Variants in PKD1 observed in about 807,000 individuals in gnomAD.
PKD1 encodes polycystin-1.
PKD1 carries 81 observed loss-of-function variants against 361.7 expected under a neutral mutation model. That is an observed-to-expected ratio of 0.22 (90% CI 0.19 to 0.27). The LOEUF is 0.27. PKD1 is among the 10% of genes least tolerant of loss of function. PKD1 has a pLI of 1.00. For synonymous variants in PKD1, 3,615 were observed against 2,818.3 expected, an observed-to-expected ratio of 1.28 and a Z score of -8.95; for missense variants, 6,399 against 6,118.3, an observed-to-expected ratio of 1.05 and a Z score of -1.53.
rs147796956 is a variant in PKD1, at chr16:2,110,974, G to A, written c.4193C>T (p.Ala1398Val). 2.1e-5 allele frequency: 34 copies of A among 1,610,482 alleles called. No individual in the cohort carries two copies. In the African/African-American group the frequency reaches 3.9e-4, roughly 18 times the overall value. ...ERQFVQLGDE[A>V]WLVACAWPPF... ...GGGCCAGGCACATGCCACCAGCCAG[G>A]CCTCGTCCCCGAGCTGCACAAACTG... is the stretch of plus-strand genomic sequence containing the variant. The change falls in exon 15 of 46, where the codon GCC (alanine) becomes GTC (valine). Residue 1398 changes from alanine (A) to valine (V), a missense_variant. By Grantham distance (64) the Ala-to-Val change is moderately conservative. Transcript: ENST00000262304.
chr16:2,107,428 C>A (rs1460873922), intron 16 of PKD1: 7 of 359,906 alleles, frequency 1.9e-5, no homozygotes, highest in Non-Finnish European at 3.7e-5. Flanking sequence ...AAAGCAGGGA[C>A]TGGGGAACAG....
In PKD1 at chr16:2,097,370, C is replaced by A. The variant is rs372470924; in HGVS notation, c.10354G>T (p.Gly3452Cys). ...GAGTAGGGGCTGGCCAGGGAGAAGCCGTCCTCCTCTGGGCCCAGCCCATGG... is the reference window on the plus strand; with the variant it reads ...GAGTAGGGGCTGGCCAGGGAGAAGCAGTCCTCCTCTGGGCCCAGCCCATGG... ...AGHGLGPEED[G>C]FSLASPYSPA... Residue 3452 changes from glycine to cysteine, a missense_variant, in exon 33 of 46, where the codon GGC (glycine) becomes TGC (cysteine). Coordinates refer to ENST00000262304, the MANE Select transcript of PKD1 (RefSeq NM_001009944.3). 5.0e-6 allele frequency: 8 copies of A among 1,611,800 alleles called. No homozygotes were observed. In the South Asian group the frequency reaches 8.8e-5, roughly 18 times the overall value.
At chr16:2,092,830 C>T (rs759048173) in intron 38 of PKD1, 124 bp downstream of exon 38, 16 of 1,206,676 alleles carry the variant, frequency 1.3e-5, no homozygotes, top group South Asian at 1.2e-4. Flanking sequence ...ATGCCAGCAG[C>T]ACCTACCTCC....
At position 2,111,776 on chromosome 16, in the gene PKD1, C is replaced by G; in HGVS notation, c.3391G>C (p.Val1131Leu). The G allele has an allele frequency of 5.6e-6, 9 of 1,607,712 alleles. No homozygotes were observed. The highest frequency in any genetic ancestry group is 7.6e-6 in the Non-Finnish European group (9 of 1,178,490). Residue 1131 changes from valine to leucine, a missense_variant, in exon 15 of 46, where the codon GTG (valine) becomes CTG (leucine). Transcript: ENST00000262304. ...ACCAGGACGCCGTCACTCACACCCACAGCCACGGAGGGCAGGGAGGCGCGC... is the reference window on the plus strand; with the variant it reads ...ACCAGGACGCCGTCACTCACACCCAGAGCCACGGAGGGCAGGGAGGCGCGC... ...SVRASLPSVA[V>L]GVSDGVLVAG...
rs764743355 is a variant in PKD1, at chr16:2,103,855, T to C, written c.8202A>G (p.Pro2734=). The C allele has an allele frequency of 1.1e-5, 17 of 1,600,214 alleles. No homozygotes were observed. The highest frequency in any genetic ancestry group is 2.3e-4 in the Middle Eastern group (1 of 4,436). Residue 2734 remains proline, a synonymous_variant, in exon 23 of 46, where the codon CCA becomes CCG. Coordinates refer to ENST00000262304, the MANE Select transcript of PKD1 (RefSeq NM_001009944.3). ...IHLASSDVRA[P]QPSELGAESP... is the part of the protein sequence containing the mutation. The stretch of plus-strand genomic sequence containing the variant: ...ACTCGGCTCCCAGCTCTGAGGGCTG[T>C]GGTGCCCGCACGTCCGAGCTGGCCA...
chr16:2,098,067 G>T, intron 30 of PKD1, 83 bp from the exon 31 acceptor site: 1 of 727,048 alleles, frequency 1.4e-6, no homozygotes, highest in East Asian at 2.6e-5. Context: ...TCAGCAGACA[G>T]GACAGAGCCC....
chr16:2,130,454 C>G (rs1482957202), intron 1 of PKD1, among the ~76,000 whole-genome samples: 2 of 152,358 alleles, frequency 1.3e-5, no homozygotes, highest in South Asian at 4.1e-4. Flanking sequence ...CATCATCCAT[C>G]TCTGTCCTTG....
In PKD1 at chr16:2,111,082, G is replaced by C. The variant is rs1291130428; in HGVS notation, c.4085C>G (p.Ser1362Cys). Residue 1362 changes from serine to cysteine, a missense_variant, in exon 15 of 46, where the codon TCC becomes TGC. Physicochemically the swap from Ser to Cys is moderately radical, Grantham distance 112. Transcript: ENST00000262304. ...GTAATGCGCCCTGTTCACGCGGCTG[G>C]ACAGCACCAGCGCCAGGGGGAACGT... ...SGTFPLALVL[S>C]SRVNRAHYFT... is the part of the protein sequence containing the mutation. 2 of 1,610,654 alleles carry C rather than the reference G, an allele frequency of 1.2e-6. No individual in the cohort carries two copies. The highest frequency in any genetic ancestry group is 1.7e-5 in the Admixed American group (1 of 60,008).
intron 25 of PKD1, 48 bp from the exon 26 acceptor site, chr16:2,102,304 C>G: frequency 6.8e-7 from 1 of 1,479,590 alleles, no homozygotes; most frequent in Non-Finnish European, 9.2e-7. Context: ...GCAAGCTGTG[C>G]CTTCTCAGGA....
rs1247135964 is a variant in PKD1, at chr16:2,105,902, A to C, written c.7826T>G (p.Ile2609Ser). The change falls in exon 20 of 46, where the codon ATC becomes AGC. Residue 2609 changes from isoleucine to serine, a missense_variant. Coordinates refer to ENST00000262304, the MANE Select transcript of PKD1 (RefSeq NM_001009944.3). ...GGTGACCAGGGCCAACGAGTACTCGATGACGTGCTGGGGATCGGCCTGCCG... is the reference window on the plus strand; with the variant it reads ...GGTGACCAGGGCCAACGAGTACTCGCTGACGTGCTGGGGATCGGCCTGCCG... ...LLRQADPQHV[I>S]EYSLALVTVL... 1 of 1,596,550 alleles carries C rather than the reference A, an allele frequency of 6.3e-7. No individual in the cohort carries two copies. The highest frequency in any genetic ancestry group is 2.2e-5 in the East Asian group (1 of 44,872).
Position 2,109,002 on chromosome 16 carries a change from C to T in PKD1, c.6165G>A (p.Leu2055=), listed in dbSNP as rs922410819. ...ALGSENRTLV[L]EVQDAVQYVA... The stretch of plus-strand genomic sequence containing the variant: ...CATACTGGACGGCGTCCTGAACCTC[C>T]AGCACCAGCGTGCGGTTCTCACTGC... Residue 2055 remains leucine, a synonymous_variant, in exon 15 of 46, where the codon CTG becomes CTA. Transcript: ENST00000262304. 30 of 1,610,432 alleles carry T rather than the reference C, an allele frequency of 1.9e-5. No individual in the cohort carries two copies. Among genetic ancestry groups the T allele is most frequent in the African/African-American group, 4.0e-5 (3 of 74,878 alleles).
intron 34 of PKD1, among the ~76,000 whole-genome samples, chr16:2,096,295 C>G (rs1352569667): frequency 6.6e-6 from 1 of 152,272 alleles, no homozygotes; most frequent in Non-Finnish European, 1.5e-5. Flanking sequence ...TGCCACTGCA[C>G]TGAATCCTGC....
rs775057346 is a variant in PKD1, at chr16:2,103,899, C to A, written c.8162-4G>T. On this transcript the variant is annotated splice_region_variant and splice_polypyrimidine_tract_variant and intron_variant, in intron 22 of 45. Coordinates refer to ENST00000262304, the MANE Select transcript of PKD1 (RefSeq NM_001009944.3). Reference sequence around the variant, plus strand: ...CTGGCCAGGTGGATGAGGTCTCCTGCAGACATGCGTGAGGTCAGTGCAGAG... The same window carrying A: ...CTGGCCAGGTGGATGAGGTCTCCTGAAGACATGCGTGAGGTCAGTGCAGAG... The A allele has an allele frequency of 1.0e-5, 16 of 1,555,194 alleles. No individual in the cohort carries two copies. The highest frequency in any genetic ancestry group is 1.5e-5 in the African/African-American group (1 of 64,892).
chr16:2,106,036 G>C lies in PKD1; in HGVS notation c.7704-12C>G. 5 of 1,606,182 alleles carry C rather than the reference G, an allele frequency of 3.1e-6. No individual in the cohort carries two copies. The highest frequency in any genetic ancestry group is 1.7e-5 in the Admixed American group (1 of 59,974). Reference sequence around the variant, plus strand: ...TGATGGCCAAAGACCTACGAGCAGAGGGGGGTGGTGAGCAGGTGGCAGTCT... The same window carrying C: ...TGATGGCCAAAGACCTACGAGCAGACGGGGGTGGTGAGCAGGTGGCAGTCT... On this transcript the variant is annotated splice_polypyrimidine_tract_variant and intron_variant, in intron 19 of 45. Transcript: ENST00000262304. The surrounding 1 kb of genome is among the most constrained non-coding windows in gnomAD (Gnocchi z 6.5).
In PKD1 at chr16:2,089,546, C is replaced by G; in HGVS notation, c.*181G>C. 1 of 714,158 alleles carries G rather than the reference C, an allele frequency of 1.4e-6. No individual in the cohort carries two copies. Among genetic ancestry groups the G allele is most frequent in the South Asian group, 1.8e-5 (1 of 55,634 alleles). The allele number at this position is 714,158 out of a possible 1,614,324, so 44.2% of individuals were successfully genotyped here. A position where few individuals can be genotyped will look rare whatever the true frequency, so the allele number is the denominator to read the frequency against. On this transcript the variant is annotated 3_prime_UTR_variant, in exon 46 of 46. Transcript: ENST00000262304. ...GGAGCTGGGGAGGGGACCCTGGGTCCTGGTTGGCCACACAGCCTCTTTAAA... is the reference window on the plus strand; with the variant it reads ...GGAGCTGGGGAGGGGACCCTGGGTCGTGGTTGGCCACACAGCCTCTTTAAA...
At position 2,100,740 on chromosome 16, in the gene PKD1, T is replaced by A. The variant is rs1259824673; in HGVS notation, c.9398-174A>T. On this transcript the variant is annotated intron_variant, in intron 26 of 45. Coordinates refer to ENST00000262304, the MANE Select transcript of PKD1 (RefSeq NM_001009944.3). This position sits in a 1 kb window ranked among gnomAD's most constrained non-coding sequence, Gnocchi z 4.4. The stretch of plus-strand genomic sequence containing the variant: ...CTGCGGTTACTGCAATTTGTCCAAT[T>A]AACAGCAGGACCTCAAGGACATGAT... 6.5e-6 allele frequency: 4 copies of A among 614,372 alleles called. No homozygotes were observed. The highest frequency in any genetic ancestry group is 2.7e-5 in the East Asian group (1 of 36,534). The allele number at this position is 614,372 out of a possible 1,614,324, so 38.1% of individuals were successfully genotyped here. A position where few individuals can be genotyped will look rare whatever the true frequency, so the allele number is the denominator to read the frequency against.
chr16:2,091,285 G>A (rs1237669082), intron 42 of PKD1, 111 bp from the exon 43 acceptor site: 2 of 391,528 alleles, frequency 5.1e-6, no homozygotes, highest in African/African-American at 5.2e-5. Flanking sequence ...ACGCTGCCGG[G>A]GCGGGGCCCT....
At chr16:2,094,248 C>CT in intron 34 of PKD1, 38 bp from the exon 35 acceptor site, 1 of 1,314,662 alleles carries the variant, frequency 7.6e-7, no homozygotes, top group Non-Finnish European at 1.1e-6. Context: ...ATCCCGGCCT[C>CT]CAGGAGGCAG....
In PKD1 at chr16:2,109,116, C is replaced by T. The variant is rs774441355; in HGVS notation, c.6051G>A (p.Ser2017=). 5.6e-6 allele frequency: 9 copies of T among 1,602,796 alleles called. No individual in the cohort carries two copies. Among genetic ancestry groups the T allele is most frequent in the African/African-American group, 1.3e-5 (1 of 74,878 alleles). ...CGTCGCGGCCCGACAGGATGACCAG[C>T]GAGTCGCCCTGGACCTTCTGCAGCG... ...YFSLQKVQGD[S]LVILSGRDVT... The change falls in exon 15 of 46, where the codon TCG becomes TCA. Residue 2017 remains serine (S), a synonymous_variant. Transcript: ENST00000262304.
Sources: allele counts gnomAD v4.1 joint callset (sites outside exome capture counted in the v4.1 genomes callset), GRCh38; gene constraint gnomAD v4.1.1; non-coding constraint Gnocchi (gnomAD v3.1); transcripts MANE v1.5; gene names NCBI Gene and HGNC (gene_info 2026-07-23, HGNC 2026-07-21).